SENP2: variants seen among roughly 807,000 people sequenced by gnomAD.
SENP2 encodes the protein sentrin-specific protease 2.
Under a neutral mutation model 86.3 loss-of-function variants are expected in SENP2, and 16 were observed. The observed-to-expected ratio is 0.19, with a 90% CI of 0.13 to 0.28. The LOEUF is 0.28. Ranked by LOEUF, SENP2 falls within the 10% of genes least tolerant of loss-of-function variation. The probability of loss-of-function intolerance (pLI) is 1.00; values close to 1 mark genes in which losing one functional copy is unlikely to be tolerated. For missense variants in SENP2, 552 were observed against 703.0 expected (o/e 0.79, Z 2.43); for synonymous variants, 222 against 238.7 (o/e 0.93, Z 0.64).
rs1330860925 is a variant in SENP2, at chr3:185,612,728, G to A, written c.869+70G>A. 5.3e-6 allele frequency: 6 copies of A among 1,127,290 alleles called. 1 individual carries two copies. Among genetic ancestry groups the A allele is most frequent in the Middle Eastern group, 5.3e-4 (2 of 3,768 alleles). 69.8% of individuals were successfully genotyped at this position (1,127,290 alleles called of 1,614,324 possible). On this transcript the variant is annotated intron_variant, in intron 9 of 16. Transcript: ENST00000296257. ...TTCTTACTTTATAAGCTGTATTTAT[G>A]AGTAAGCAGTTCTGAGGAATTGTGA...
intron 4 of SENP2, among the ~76,000 whole-genome samples, chr3:185,599,248 G>T (rs561775505): frequency 2.6e-5 from 4 of 151,914 alleles, no homozygotes; most frequent in Admixed American, 2.0e-4. Context: ...TTAGATCAAG[G>T]TCATATTAAA....
chr3:185,622,167 G>C (rs568941349), intron 14 of SENP2, among the ~76,000 whole-genome samples: 2 of 152,274 alleles, frequency 1.3e-5, no homozygotes, highest in African/African-American at 2.4e-5. Context: ...CTTTGGCATC[G>C]ATACGTTATT....
At chr3:185,591,137 C>T (rs1721982738) in intron 2 of SENP2, among the ~76,000 whole-genome samples, 1 of 151,128 alleles carries the variant, frequency 6.6e-6, no homozygotes, top group Non-Finnish European at 1.5e-5. Flanking sequence ...CATCTCCTGA[C>T]CTCGTGATCT....
Position 185,606,381 on chromosome 3 carries a change from T to C in SENP2, c.501T>C (p.His167=). 6.2e-7 allele frequency: 1 copy of C among 1,613,666 alleles called. No individual in the cohort carries two copies. Among genetic ancestry groups the C allele is most frequent in the East Asian group, 2.2e-5 (1 of 44,864 alleles). ...ATAGAAGACCAGGTGGCCGTCGCCA[T>C]AGCAAAGGTAATCCAGAGAGTTCTT... The part of the protein sequence containing the change: ...GCNRRPGGRR[H]SKGNPESSLM... The change falls in exon 6 of 17, where the codon CAT becomes CAC. Residue 167 remains histidine, a synonymous_variant. Transcript: ENST00000296257.
Position 185,587,570 on chromosome 3 carries a change from A to ATTTTTTTTTTTT in SENP2, c.101+1059_101+1070dup, listed in dbSNP as rs398052522. Among the ~76,000 whole-genome samples the ATTTTTTTTTTTT allele has an allele frequency of 2.1e-3, 255 of 118,790 alleles. 18 individuals are homozygous for ATTTTTTTTTTTT. The highest frequency in any genetic ancestry group is 3.8e-3 in the Non-Finnish European group (219 of 57,464). The allele number at this position is 118,790 out of a possible 152,430, so 77.9% of individuals were successfully genotyped here. On this transcript the variant is annotated intron_variant, in intron 1 of 16. Transcript: ENST00000296257. ...CTTCAACTTTAGTGATCAAGTGTTAATTTTTTTTTTTTTTGAGAAGGAGTC... is the reference window on the plus strand; with the variant it reads ...CTTCAACTTTAGTGATCAAGTGTTAATTTTTTTTTTTTTTTTTTTTTTTTTTGAGAAGGAGTC...
chr3:185,604,342 C>T (rs959015416), intron 5 of SENP2, among the ~76,000 whole-genome samples: 6 of 152,062 alleles, frequency 3.9e-5, no homozygotes, highest in African/African-American at 1.4e-4. Context: ...TGTTTTCTGG[C>T]CTAGAGTATG....
intron 9 of SENP2, among the ~76,000 whole-genome samples, 164 bp from the exon 10 acceptor site, chr3:185,613,181 T>C (rs1256019250): frequency 6.6e-6 from 1 of 152,280 alleles, no homozygotes; most frequent in East Asian, 1.9e-4. Flanking sequence ...CCTAAAATAC[T>C]GTCTGTTCCT....
intron 7 of SENP2, among the ~76,000 whole-genome samples, chr3:185,609,843 T>A (rs1039001219): frequency 1.3e-5 from 2 of 152,110 alleles, no homozygotes; most frequent in Non-Finnish European, 2.9e-5. Context: ...CCCTGCGGCA[T>A]CATAGAGATT....
intron 5 of SENP2, among the ~76,000 whole-genome samples, chr3:185,603,154 C>T (rs1356826894): frequency 6.6e-6 from 1 of 151,924 alleles, no homozygotes; most frequent in Admixed American, 6.6e-5. Context: ...TCAGGTGATC[C>T]AACCGCCTCG....
Position 185,586,351 on chromosome 3 carries a change from C to T in SENP2, c.-63C>T. ...GTTAAGACGGCGAAGGCGGCAGCGG[C>T]GGCGACAGCTCTGGGGTTTGCGTCT... On this transcript the variant is annotated 5_prime_UTR_variant, in exon 1 of 17. Transcript: ENST00000296257. This position sits in a 1 kb window ranked among gnomAD's most constrained non-coding sequence, Gnocchi z 4.3. The T allele has an allele frequency of 6.3e-7, 1 of 1,596,350 alleles. No individual in the cohort carries two copies. Among genetic ancestry groups the T allele is most frequent in the Non-Finnish European group, 8.5e-7 (1 of 1,171,206 alleles).
At chr3:185,595,453 G>A (rs983360491) in intron 2 of SENP2, among the ~76,000 whole-genome samples, 7 of 152,128 alleles carry the variant, frequency 4.6e-5, no homozygotes, top group Non-Finnish European at 1.0e-4. Flanking sequence ...ATAACTATTA[G>A]CAAATTTCTC....
chr3:185,617,614 A>G lies in SENP2; in HGVS notation c.1242+3A>G. On this transcript the variant is annotated splice_donor_region_variant and intron_variant, in intron 12 of 16. Transcript: ENST00000296257. Reference sequence around the variant, plus strand: ...ACTATCACTGGCTCAATGATGAAGTAAGTTGTATTCCCTCCCCCTTTTGGC... The same window carrying G: ...ACTATCACTGGCTCAATGATGAAGTGAGTTGTATTCCCTCCCCCTTTTGGC... 1 of 1,612,656 alleles carries G rather than the reference A, an allele frequency of 6.2e-7. No individual in the cohort carries two copies. The highest frequency in any genetic ancestry group is 8.5e-7 in the Non-Finnish European group (1 of 1,179,194).
intron 6 of SENP2, 123 bp downstream of exon 6, chr3:185,606,621 C>A: frequency 1.2e-6 from 1 of 838,120 alleles, no homozygotes; most frequent in Non-Finnish European, 1.8e-6. Context: ...TACAATACAG[C>A]CTCCAACAAA....
chr3:185,619,590 A>C (rs1212112606), intron 13 of SENP2, 88 bp downstream of exon 13: 1 of 944,550 alleles, frequency 1.1e-6, no homozygotes, highest in Non-Finnish European at 1.6e-6. Flanking sequence ...CCCTGTGTAT[A>C]GAGGCCAATA....
At chr3:185,596,045 A>T (rs557272769) in intron 2 of SENP2, among the ~76,000 whole-genome samples, 1 of 152,074 alleles carries the variant, frequency 6.6e-6, no homozygotes, top group Non-Finnish European at 1.5e-5. Context: ...GGTTCACTGC[A>T]ACCTCCGCTT....
At chr3:185,614,260 T>C (rs1190056977) in intron 10 of SENP2, among the ~76,000 whole-genome samples, 1 of 152,200 alleles carries the variant, frequency 6.6e-6, no homozygotes, top group Non-Finnish European at 1.5e-5. Flanking sequence ...TTTCATAATA[T>C]CTTTTAAACA....
chr3:185,628,822 G>A (rs1333790749), intron 16 of SENP2, among the ~76,000 whole-genome samples: 1 of 152,154 alleles, frequency 6.6e-6, no homozygotes, highest in Non-Finnish European at 1.5e-5. Context: ...GTGAACTTCC[G>A]TATACACTAG....
Position 185,592,011 on chromosome 3 carries a change from C to CTTTTTTTTTTTTTTTTTTTTTTTT in SENP2, c.157+1865_157+1866insTTTTTTTTTTTTTTTTTTTTTTTT, listed in dbSNP as rs149268515. Among the ~76,000 whole-genome samples, 11 of 65,804 alleles carry CTTTTTTTTTTTTTTTTTTTTTTTT rather than the reference C, an allele frequency of 1.7e-4. 1 individual carries two copies. The highest frequency in any genetic ancestry group is 5.0e-4 in the Admixed American group (2 of 3,978). 43.2% of individuals were successfully genotyped at this position (65,804 alleles called of 152,430 possible). On this transcript the variant is annotated intron_variant, in intron 2 of 16. Transcript: ENST00000296257. Reference sequence around the variant, plus strand: ...CTGTCTTTAAGAACCGGTAATATTTCTTTTTTTTTTTTTTTTTTTTTTTGA... The same window carrying CTTTTTTTTTTTTTTTTTTTTTTTT: ...CTGTCTTTAAGAACCGGTAATATTTCTTTTTTTTTTTTTTTTTTTTTTTTTTTTTTTTTTTTTTTTTTTTTTTGA...
rs1245752069 is a variant in SENP2, at chr3:185,626,371, A to G, written c.1685A>G (p.Asp562Gly). ...AAATATGCAGATTATATTTCTAGGG[A>G]CAAACCTATCACATTTACTCAGGTG... ...TCKYADYISR[D>G]KPITFTQHQM... The change falls in exon 16 of 17, where the codon GAC becomes GGC. Residue 562 changes from aspartate (D) to glycine (G), a missense_variant. Asp to Gly is a moderately conservative substitution (Grantham distance 94). Transcript: ENST00000296257. 1.2e-6 allele frequency: 2 copies of G among 1,609,840 alleles called. No homozygotes were observed. The highest frequency in any genetic ancestry group is 1.7e-6 in the Non-Finnish European group (2 of 1,176,262).
Sources: gnomAD v4.1 joint callset for allele counts (sites outside exome capture counted in the v4.1 genomes callset) on GRCh38, gnomAD v4.1.1 for gene constraint, Gnocchi (gnomAD v3.1) non-coding constraint, MANE v1.5 for transcripts, NCBI Gene and HGNC (gene_info 2026-07-23, HGNC 2026-07-21) for gene names.